Variants in SLC22A24 observed in about 807,000 individuals in gnomAD.
SLC22A24 encodes the protein solute carrier family 22 member 24, also known as steroid transmembrane transporter SLC22A24.
A neutral mutation model predicts 49.8 loss-of-function variants in SLC22A24; 53 were observed. The ratio of observed to expected loss-of-function variants is 1.06; its 90% CI spans 0.85 to 1.34. The LOEUF is 1.34. Ranked by LOEUF, SLC22A24 falls within the 40% of genes most tolerant of loss-of-function variation. SLC22A24 has a pLI of 0.00. For missense variants in SLC22A24, 786 were observed against 675.9 expected (o/e 1.16, Z -1.81); for synonymous variants, 302 against 256.4 (o/e 1.18, Z -1.70).
intron 1 of SLC22A24, among the ~76,000 whole-genome samples, chr11:63,139,544 C>T (rs1348053490): frequency 6.6e-6 from 1 of 152,072 alleles, no homozygotes; most frequent in African/African-American, 2.4e-5. Context: ...CTCTTGGCTA[C>T]CTGGAAGATA....
chr11:63,124,109 A>G (rs1005555697), intron 2 of SLC22A24, among the ~76,000 whole-genome samples: 3 of 152,176 alleles, frequency 2.0e-5, no homozygotes, highest in Non-Finnish European at 2.9e-5. Flanking sequence ...GCCAGAGGGA[A>G]CAGCAAGTAT....
At chr11:63,097,700 G>T (rs1376758082) in intron 5 of SLC22A24, among the ~76,000 whole-genome samples, 1 of 151,922 alleles carries the variant, frequency 6.6e-6, no homozygotes, top group African/African-American at 2.4e-5. Context: ...AAAGAAAACG[G>T]GGCACATATA....
At chr11:63,090,408 A>G (rs1279302163) in intron 6 of SLC22A24, among the ~76,000 whole-genome samples, 1 of 152,024 alleles carries the variant, frequency 6.6e-6, no homozygotes, top group African/African-American at 2.4e-5. Context: ...GAGAATATAC[A>G]TTCTTAGTGC....
intron 6 of SLC22A24, among the ~76,000 whole-genome samples, chr11:63,087,921 A>T (rs1451474004): frequency 6.6e-6 from 1 of 152,226 alleles, no homozygotes; most frequent in Non-Finnish European, 1.5e-5. Context: ...AGAGGTTTAC[A>T]GACAAAATCC....
intron 4 of SLC22A24, among the ~76,000 whole-genome samples, chr11:63,112,636 T>C (rs1045156769): frequency 1.8e-4 from 27 of 152,116 alleles, no homozygotes; most frequent in African/African-American, 6.5e-4. Context: ...AGATCTTAGT[T>C]ATTTCTTGCC....
chr11:63,131,933 G>T (rs1045911414), intron 2 of SLC22A24, among the ~76,000 whole-genome samples: 1 of 151,890 alleles, frequency 6.6e-6, no homozygotes, highest in Non-Finnish European at 1.5e-5. Context: ...TCATATATTT[G>T]GTCTTTTCAC....
chr11:63,144,009 C>A lies in SLC22A24; in HGVS notation c.-230G>T. ...GGCAGCCAAATAGTTTCAGAAGTCA[C>A]AGATATAATTATTTGGCAAAGAGAC... On this transcript the variant is annotated 5_prime_UTR_variant, in exon 1 of 10. Coordinates refer to ENST00000612278, the MANE Select transcript of SLC22A24 (RefSeq NM_001136506.2). 5.5e-6 allele frequency: 2 copies of A among 364,398 alleles called. No homozygotes were observed. 22.6% of individuals were successfully genotyped at this position (364,398 alleles called of 1,614,324 possible).
At chr11:63,125,322 G>A (rs1334781371) in intron 2 of SLC22A24, among the ~76,000 whole-genome samples, 1 of 151,852 alleles carries the variant, frequency 6.6e-6, no homozygotes, top group Non-Finnish European at 1.5e-5. Flanking sequence ...TGCACTCCAC[G>A]ACAGGCCCTG....
At chr11:63,093,875 A>G (rs1201458880) in intron 6 of SLC22A24, among the ~76,000 whole-genome samples, 1 of 152,104 alleles carries the variant, frequency 6.6e-6, no homozygotes, top group East Asian at 1.9e-4. Flanking sequence ...TGCAAATTAA[A>G]TTTACAATGT....
chr11:63,082,212 T>G (rs2086964147), intron 7 of SLC22A24, among the ~76,000 whole-genome samples: 1 of 152,198 alleles, frequency 6.6e-6, no homozygotes, highest in Non-Finnish European at 1.5e-5. Flanking sequence ...TGGGTTTATT[T>G]GGGAGTGGAC....
At chr11:63,124,538 C>T (rs2087274709) in intron 2 of SLC22A24, among the ~76,000 whole-genome samples, 1 of 152,094 alleles carries the variant, frequency 6.6e-6, no homozygotes, top group African/African-American at 2.4e-5. Context: ...TTCTAGAGTT[C>T]CTTTACTATC....
chr11:63,102,583 A>G (rs142597020), intron 5 of SLC22A24, among the ~76,000 whole-genome samples: 186 of 152,278 alleles, frequency 1.2e-3, no homozygotes, highest in African/African-American at 4.4e-3. Context: ...AACACTGCAC[A>G]CATGATAGCG....
chr11:63,141,361 T>G (rs1051872179), intron 1 of SLC22A24, among the ~76,000 whole-genome samples: 1 of 152,206 alleles, frequency 6.6e-6, no homozygotes, highest in Non-Finnish European at 1.5e-5. Flanking sequence ...CAGATTTAGT[T>G]GGCCTCATGC....
At chr11:63,114,467 C>G (rs1233577701) in intron 4 of SLC22A24, among the ~76,000 whole-genome samples, 4 of 152,100 alleles carry the variant, frequency 2.6e-5, no homozygotes, top group Non-Finnish European at 5.9e-5. Context: ...AATCGTTTTT[C>G]AAGGTTTTTA....
At position 63,140,369 on chromosome 11, in the gene SLC22A24, C is replaced by T. The variant is rs545076931; in HGVS notation, c.402+3009G>A. Among the ~76,000 whole-genome samples, 263 of 152,216 alleles carry T rather than the reference C, an allele frequency of 1.7e-3. 1 individual carries two copies. Among genetic ancestry groups the T allele is most frequent in the Non-Finnish European group, 2.8e-3 (191 of 68,020 alleles). ...TGCTGGGACTACAGGCGTGAGCCAC[C>T]ACATCTGGGCATAAAGACAGTTTTA... On this transcript the variant is annotated intron_variant, in intron 1 of 9. Transcript: ENST00000612278.
chr11:63,117,931 G>A (rs1408377183), intron 4 of SLC22A24, among the ~76,000 whole-genome samples: 1 of 152,166 alleles, frequency 6.6e-6, no homozygotes, highest in Non-Finnish European at 1.5e-5. Flanking sequence ...TTGTTCCTCA[G>A]CTTCTAATTT....
rs1485196512 is a variant in SLC22A24 at position 63,085,607 on chromosome 11, CAG to C, written c.1071-2152_1071-2151del. ...TATGGAGAGGAAAAGAAAATACAAA[CAG>C]ATGAACAAATAAAGAAATAAAAAGC... On this transcript the variant is annotated intron_variant, in intron 6 of 9. Coordinates refer to ENST00000612278, the MANE Select transcript of SLC22A24 (RefSeq NM_001136506.2). 9.9e-5 allele frequency among the ~76,000 whole-genome samples: 15 copies of C among 152,230 alleles called. No individual in the cohort carries two copies. The South Asian group carries it at 3.1e-3, about 32-fold the overall frequency.
At position 63,101,555 on chromosome 11, in the gene SLC22A24, A is replaced by T. The variant is rs147733069; in HGVS notation, c.954+2620T>A. On this transcript the variant is annotated intron_variant, in intron 5 of 9. Coordinates refer to ENST00000612278, the MANE Select transcript of SLC22A24 (RefSeq NM_001136506.2). Reference sequence around the variant, plus strand: ...TAAGGTAAAAAGATTCAAAAAGCCCAGGAGTTCCATATGATCCAGCAATGT... The same window carrying T: ...TAAGGTAAAAAGATTCAAAAAGCCCTGGAGTTCCATATGATCCAGCAATGT... Among the ~76,000 whole-genome samples, 64 of 152,208 alleles carry T rather than the reference A, an allele frequency of 4.2e-4. No homozygotes were observed. In the East Asian group the frequency reaches 0.012, roughly 29 times the overall value.
chr11:63,123,659 T>C (rs1027185893), intron 2 of SLC22A24, among the ~76,000 whole-genome samples: 2 of 152,170 alleles, frequency 1.3e-5, no homozygotes, highest in African/African-American at 4.8e-5. Context: ...GCATCAGAAT[T>C]TACTTGTTTG....
Sources: gnomAD v4.1 joint callset for allele counts (sites outside exome capture counted in the v4.1 genomes callset) on GRCh38, gnomAD v4.1.1 for gene constraint, MANE v1.5 for transcripts, NCBI Gene and HGNC (gene_info 2026-07-23, HGNC 2026-07-21) for gene names.